Variants in OXR1 observed in about 807,000 individuals in gnomAD.
OXR1 encodes oxidation resistance 1.
OXR1 carries 41 observed loss-of-function variants against 104.6 expected under a neutral mutation model. The ratio of observed to expected loss-of-function variants is 0.39; its 90% CI spans 0.31 to 0.51. OXR1 has a LOEUF of 0.51. Ranked by LOEUF, OXR1 falls within the 20% of genes least tolerant of loss-of-function variation. The pLI, the probability that OXR1 is intolerant of heterozygous loss-of-function variation, is 0.77. For synonymous variants in OXR1, 348 were observed against 348.4 expected, an observed-to-expected ratio of 1.00 and a Z score of 0.01; for missense variants, 955 against 1,031.9, an observed-to-expected ratio of 0.93 and a Z score of 1.02.
intron 1 of OXR1, among the ~76,000 whole-genome samples, chr8:106,282,644 T>TA (rs1812336520): frequency 6.6e-6 from 1 of 152,182 alleles, no homozygotes; most frequent in South Asian, 2.1e-4. Context: ...ATAAGGAAGA[T>TA]AACATATGTT....
chr8:106,319,962 C>A lies in OXR1; in HGVS notation c.-138-39514C>A, dbSNP rs574262141. On this transcript the variant is annotated intron_variant, in intron 1 of 16. Coordinates refer to ENST00000517566, the MANE Select transcript of OXR1 (RefSeq NM_001198533.2). ...AAGTTTGCAGAAGTTTGAGAGGTGA[C>A]CTTTTGTGGACTGGAGGAGGCTGAG... Among the ~76,000 whole-genome samples, 14 of 152,204 alleles carry A rather than the reference C, an allele frequency of 9.2e-5. No individual in the cohort carries two copies. The East Asian group carries it at 2.5e-3, about 27-fold the overall frequency.
chr8:106,458,874 G>C (rs910694896), intron 2 of OXR1, among the ~76,000 whole-genome samples: 2 of 152,134 alleles, frequency 1.3e-5, no homozygotes, highest in Non-Finnish European at 2.9e-5. Context: ...CCCAATACCT[G>C]TCCTACCATT....
At chr8:106,606,739 T>C (rs552725477) in intron 3 of OXR1, among the ~76,000 whole-genome samples, 2 of 152,084 alleles carry the variant, frequency 1.3e-5, no homozygotes, top group Non-Finnish European at 2.9e-5. Flanking sequence ...GCAACCTTAA[T>C]TCCATCTGCG....
At chr8:106,460,282 C>T (rs1326061158) in intron 2 of OXR1, among the ~76,000 whole-genome samples, 1 of 152,166 alleles carries the variant, frequency 6.6e-6, no homozygotes, top group East Asian at 1.9e-4. Context: ...TCGGAGTCTG[C>T]CCTATCCTTT....
chr8:106,332,521 A>G (rs1429544900), intron 1 of OXR1, among the ~76,000 whole-genome samples: 2 of 152,188 alleles, frequency 1.3e-5, no homozygotes, highest in African/African-American at 4.8e-5. Context: ...CTTGCACCTT[A>G]TATCGGAGAC....
chr8:106,405,308 A>G (rs1468255716), intron 2 of OXR1, among the ~76,000 whole-genome samples: 1 of 150,828 alleles, frequency 6.6e-6, no homozygotes, highest in African/African-American at 2.4e-5. Flanking sequence ...CAAATCCAGG[A>G]AAGCTGGTGG....
At chr8:106,729,834 A>G (rs1833710856) in intron 11 of OXR1, 1 of 152,180 alleles carries the variant, frequency 6.6e-6, no homozygotes, top group Non-Finnish European at 1.5e-5. Flanking sequence ...TGCTAGATAA[A>G]TTCTAAGAGA....
intron 1 of OXR1, among the ~76,000 whole-genome samples, chr8:106,293,520 T>C (rs1379458379): frequency 6.6e-6 from 1 of 152,232 alleles, no homozygotes; most frequent in Admixed American, 6.5e-5. Context: ...TATAACATAC[T>C]TTGTGGAGCA....
At chr8:106,339,873 G>GAGATAAAGT (rs1439064604) in intron 1 of OXR1, among the ~76,000 whole-genome samples, 7 of 152,054 alleles carry the variant, frequency 4.6e-5, no homozygotes, top group African/African-American at 1.7e-4. Flanking sequence ...AGGATTAAAT[G>GAGATAAAGT]AGATAAAGTA....
At chr8:106,312,301 C>G (rs1360473593) in intron 1 of OXR1, among the ~76,000 whole-genome samples, 2 of 152,188 alleles carry the variant, frequency 1.3e-5, no homozygotes, top group African/African-American at 4.8e-5. Flanking sequence ...AGGCCAGCTT[C>G]AGTTTCAATG....
At chr8:106,502,111 A>G (rs1176324648) in intron 2 of OXR1, among the ~76,000 whole-genome samples, 2 of 152,180 alleles carry the variant, frequency 1.3e-5, no homozygotes, top group Admixed American at 6.5e-5. Context: ...TGGGAAATCA[A>G]TTTGGGGGAT....
At chr8:106,628,048 G>A (rs3110423) in intron 3 of OXR1, among the ~76,000 whole-genome samples, 91,277 of 152,012 alleles carry the variant, frequency 0.6, 28,505 homozygotes, top group African/African-American at 0.79. Context: ...TTTCTAAAAC[G>A]TAAAATTCAT....
chr8:106,735,102 G>A (rs1372274708), intron 11 of OXR1, among the ~76,000 whole-genome samples: 1 of 151,964 alleles, frequency 6.6e-6, no homozygotes, highest in African/African-American at 2.4e-5. Flanking sequence ...AGTAATTCCA[G>A]TTTCCTCATA....
At chr8:106,333,675 C>G (rs1447536606) in intron 1 of OXR1, among the ~76,000 whole-genome samples, 1 of 151,954 alleles carries the variant, frequency 6.6e-6, no homozygotes, top group Non-Finnish European at 1.5e-5. Context: ...AAGTAGAGGT[C>G]CAATCCACTT....
At chr8:106,664,368 A>G (rs1826067491) in intron 3 of OXR1, among the ~76,000 whole-genome samples, 1 of 152,212 alleles carries the variant, frequency 6.6e-6, no homozygotes, top group African/African-American at 2.4e-5. Context: ...GAGAATTTGC[A>G]TTTCTAACAA....
At chr8:106,549,244 A>ATGT in intron 3 of OXR1, among the ~76,000 whole-genome samples, 1 of 144,088 alleles carries the variant, frequency 6.9e-6, no homozygotes, top group African/African-American at 2.6e-5. Context: ...CATATCAAAC[A>ATGT]TTTTTTTTTT....
intron 1 of OXR1, among the ~76,000 whole-genome samples, chr8:106,336,039 T>G (rs1814949331): frequency 6.6e-6 from 1 of 152,212 alleles, no homozygotes; most frequent in African/African-American, 2.4e-5. Context: ...GAGGTTGCGG[T>G]GAGCCAAGAT....
chr8:106,287,459 T>G (rs1812546196), intron 1 of OXR1, among the ~76,000 whole-genome samples: 1 of 152,172 alleles, frequency 6.6e-6, no homozygotes, highest in South Asian at 2.1e-4. Context: ...ATCCAAGGTG[T>G]GGTCTGAATG....
At chr8:106,657,762 C>G in intron 3 of OXR1, 1 of 1,091,160 alleles carries the variant, frequency 9.2e-7, no homozygotes, top group Non-Finnish European at 1.2e-6. Flanking sequence ...AAAAACTTTT[C>G]GAAAACTTTT....
Sources: gnomAD v4.1 joint callset for allele counts (sites outside exome capture counted in the v4.1 genomes callset) on GRCh38, gnomAD v4.1.1 for gene constraint, MANE v1.5 for transcripts, NCBI Gene and HGNC (gene_info 2026-07-23, HGNC 2026-07-21) for gene names.